The following HNRNPF variants were observed in gnomAD, a reference collection of about 807,000 sequenced individuals.
The protein encoded by HNRNPF is heterogeneous nuclear ribonucleoprotein F.
Under a neutral mutation model 26.0 loss-of-function variants are expected in HNRNPF, and 2 were observed. That is an observed-to-expected ratio of 0.08 (90% CI 0.03 to 0.24). HNRNPF has a LOEUF of 0.24. Among genes scored for constraint, HNRNPF ranks in the 10% least tolerant of loss-of-function variants. The pLI is 1.00. For synonymous variants in HNRNPF, 234 were observed against 211.5 expected (o/e 1.11, Z -0.92); for missense variants, 299 against 539.2 (o/e 0.55, Z 4.41).
intron 1 of HNRNPF, among the ~76,000 whole-genome samples, chr10:43,402,742 CAAAT>C (rs1409561633): frequency 6.6e-6 from 1 of 152,164 alleles, no homozygotes; most frequent in African/African-American, 2.4e-5. Flanking sequence ...CTATTCTAAT[CAAAT>C]AACTTATGAT....
chr10:43,388,197 G>C (rs10793430), intron 3 of HNRNPF, among the ~76,000 whole-genome samples: 1 of 151,948 alleles, frequency 6.6e-6, no homozygotes, highest in Non-Finnish European at 1.5e-5. Context: ...TTAGAGCAAG[G>C]GCATTTCCTT....
chr10:43,386,712 G>C lies in HNRNPF; in HGVS notation c.1173C>G (p.Gly391=), dbSNP rs1477482747. Reference sequence around the variant, plus strand: ...AGCCACTCACTGACTGGCTCTCCAGGCCACTGTAAGTGGCCTGGGCAGCAG... The same window carrying C: ...AGCCACTCACTGACTGGCTCTCCAGCCCACTGTAAGTGGCCTGGGCAGCAG... The part of the protein sequence containing the change: ...GVSAAQATYS[G]LESQSVSGCY... The change falls in exon 4 of 4, where the codon GGC becomes GGG. Residue 391 remains glycine (G), a synonymous_variant. Transcript: ENST00000682386. 19 of 1,613,610 alleles carry C rather than the reference G, an allele frequency of 1.2e-5. No individual in the cohort carries two copies. The highest frequency in any genetic ancestry group is 1.7e-5 in the Admixed American group (1 of 59,822).
In HNRNPF at chr10:43,409,151, G is replaced by C. The variant is rs1177998268; in HGVS notation, c.-267C>G. ...CCCACCTTGAGGAAGACGCGGCGCA[G>C]TCCTGCTTCCACGACGGAGCCGGAA... On this transcript the variant is annotated 5_prime_UTR_variant, in exon 1 of 4. Transcript: ENST00000682386. The C allele has an allele frequency of 6.6e-6, 1 of 152,574 alleles. No individual in the cohort carries two copies. Among genetic ancestry groups the C allele is most frequent in the East Asian group, 1.9e-4 (1 of 5,208 alleles). The allele number at this position is 152,574 out of a possible 1,614,324, so 9.5% of individuals were successfully genotyped here.
intron 3 of HNRNPF, among the ~76,000 whole-genome samples, chr10:43,389,636 C>T (rs1838166165): frequency 6.6e-6 from 1 of 152,134 alleles, no homozygotes; most frequent in Non-Finnish European, 1.5e-5. Context: ...ATAAAGATAA[C>T]AAGATGTGTC....
intron 3 of HNRNPF, among the ~76,000 whole-genome samples, chr10:43,390,473 C>T (rs1838198079): frequency 6.6e-6 from 1 of 152,202 alleles, no homozygotes; most frequent in Non-Finnish European, 1.5e-5. Flanking sequence ...CCAATGATTT[C>T]ACCATTCCCT....
At chr10:43,390,650 AATTC>A (rs1241590645) in intron 3 of HNRNPF, among the ~76,000 whole-genome samples, 1 of 152,154 alleles carries the variant, frequency 6.6e-6, no homozygotes, top group Non-Finnish European at 1.5e-5. Flanking sequence ...CAATACATGG[AATTC>A]ATTCAATGAA....
At chr10:43,400,291 ATAT>A in intron 1 of HNRNPF, among the ~76,000 whole-genome samples, 1 of 152,168 alleles carries the variant, frequency 6.6e-6, no homozygotes, top group Non-Finnish European at 1.5e-5. Context: ...CAAATTATTT[ATAT>A]TTTTTACCAA....
At chr10:43,397,015 C>G (rs1017859931) in intron 1 of HNRNPF, among the ~76,000 whole-genome samples, 10 of 151,690 alleles carry the variant, frequency 6.6e-5, no homozygotes, top group African/African-American at 2.4e-4. Flanking sequence ...GCTAGCGCTG[C>G]CTAGGCGGGA....
At chr10:43,396,918 G>C (rs1200598720) in intron 1 of HNRNPF, 1 of 144,450 alleles carries the variant, frequency 6.9e-6, no homozygotes, top group Non-Finnish European at 1.5e-5. Context: ...GGGGAGGGGA[G>C]GGGGCCCCTG....
At chr10:43,400,701 TACTTA>T (rs1564398437) in intron 1 of HNRNPF, among the ~76,000 whole-genome samples, 2 of 152,230 alleles carry the variant, frequency 1.3e-5, no homozygotes, top group Admixed American at 6.5e-5. Context: ...CACACATTTG[TACTTA>T]ACTTTTCAGG....
At chr10:43,408,759 A>T (rs1416226) in intron 1 of HNRNPF, 2 of 152,052 alleles carry the variant, frequency 1.3e-5, no homozygotes, top group South Asian at 2.1e-4. Flanking sequence ...TCCCGCTCTC[A>T]TATCAGGCAC....
At chr10:43,406,441 C>A (rs1172926026) in intron 1 of HNRNPF, among the ~76,000 whole-genome samples, 2 of 152,158 alleles carry the variant, frequency 1.3e-5, no homozygotes, top group Non-Finnish European at 2.9e-5. Flanking sequence ...CGCCTGTAAT[C>A]CCAGCACTTT....
chr10:43,408,270 G>T (rs1357525967), intron 1 of HNRNPF, among the ~76,000 whole-genome samples: 1 of 152,112 alleles, frequency 6.6e-6, no homozygotes, highest in African/African-American at 2.4e-5. Context: ...CCGGCCGTCC[G>T]TGCCTTCCCC....
At chr10:43,397,487 A>T (rs1838591940) in intron 1 of HNRNPF, 1 of 147,386 alleles carries the variant, frequency 6.8e-6, no homozygotes, top group Non-Finnish European at 1.5e-5. Context: ...GAAAGTCCAG[A>T]GTGCCAGCCA....
intron 1 of HNRNPF, among the ~76,000 whole-genome samples, chr10:43,405,500 C>T (rs935308404): frequency 6.6e-6 from 1 of 151,842 alleles, no homozygotes; most frequent in African/African-American, 2.4e-5. Flanking sequence ...ACTAAAAATA[C>T]AAAAAATTAG....
chr10:43,390,079 T>C (rs1241804553), intron 3 of HNRNPF, among the ~76,000 whole-genome samples: 1 of 152,172 alleles, frequency 6.6e-6, no homozygotes, highest in Non-Finnish European at 1.5e-5. Context: ...CCCCTGCATA[T>C]GGCCACTGCA....
At chr10:43,401,562 G>C (rs1838754961) in intron 1 of HNRNPF, among the ~76,000 whole-genome samples, 1 of 152,106 alleles carries the variant, frequency 6.6e-6, no homozygotes, top group Non-Finnish European at 1.5e-5. Flanking sequence ...TCTTAACTGA[G>C]GGCAAATATC....
chr10:43,395,287 G>A (rs1838437622), intron 2 of HNRNPF, among the ~76,000 whole-genome samples: 1 of 152,188 alleles, frequency 6.6e-6, no homozygotes, highest in African/African-American at 2.4e-5. Context: ...CCCTCTGTAA[G>A]CAGTGTGGAG....
chr10:43,394,228 AAGAC>A (rs1345270273), intron 3 of HNRNPF, among the ~76,000 whole-genome samples: 11 of 152,360 alleles, frequency 7.2e-5, no homozygotes, highest in African/African-American at 2.6e-4. Context: ...TAGGCTGAAA[AAGAC>A]ATACAAGCAG....
Sources: gnomAD v4.1 joint callset for allele counts (sites outside exome capture counted in the v4.1 genomes callset) on GRCh38, gnomAD v4.1.1 for gene constraint, MANE v1.5 for transcripts, NCBI Gene and HGNC (gene_info 2026-07-23, HGNC 2026-07-21) for gene names.